EPHB1: variants seen among roughly 807,000 people sequenced by gnomAD.
EPHB1 encodes the protein EPH receptor B1, also known as ephrin type-B receptor 1.
A neutral mutation model predicts 94.4 loss-of-function variants in EPHB1; 30 were observed. That is an observed-to-expected ratio of 0.32 (90% CI 0.24 to 0.43). The LOEUF is 0.43. EPHB1 is among the 20% of genes least tolerant of loss of function. The pLI is 1.00. For synonymous variants in EPHB1, 522 were observed against 489.1 expected (o/e 1.07, Z -0.89); for missense variants, 1,055 against 1,308.3 (o/e 0.81, Z 2.99).
At chr3:135,012,280 G>A (rs916542407) in intron 3 of EPHB1, among the ~76,000 whole-genome samples, 1 of 152,228 alleles carries the variant, frequency 6.6e-6, no homozygotes, top group Admixed American at 6.5e-5. Flanking sequence ...CTTGGTGTTT[G>A]TGCTTGGTGT....
intron 3 of EPHB1, among the ~76,000 whole-genome samples, chr3:135,103,822 T>G (rs1274749563): frequency 6.6e-6 from 1 of 151,942 alleles, no homozygotes; most frequent in Non-Finnish European, 1.5e-5. Context: ...TTGGACCTCC[T>G]CCCCTCCACT....
At chr3:134,994,330 C>T (rs1934918113) in intron 3 of EPHB1, among the ~76,000 whole-genome samples, 1 of 152,140 alleles carries the variant, frequency 6.6e-6, no homozygotes, top group African/African-American at 2.4e-5. Context: ...CCAGGGCATC[C>T]CCTCTCCCTG....
intron 1 of EPHB1, among the ~76,000 whole-genome samples, chr3:134,817,936 G>T (rs1022775756): frequency 6.6e-6 from 1 of 152,200 alleles, no homozygotes; most frequent in Non-Finnish European, 1.5e-5. Flanking sequence ...ATGCAGCCAG[G>T]TTCACAGACA....
intron 6 of EPHB1, among the ~76,000 whole-genome samples, chr3:135,157,214 AG>A (rs1941379800): frequency 6.6e-6 from 1 of 152,184 alleles, no homozygotes; most frequent in African/African-American, 2.4e-5. Context: ...GGGAAGGGAA[AG>A]AATATGTTAG....
chr3:135,015,592 G>A lies in EPHB1; in HGVS notation c.805+63540G>A, dbSNP rs1029791674. ...GGCATCTAGGTCTCTGGGAGCCTCAGGATCCCTGGCTGCTTACCAATGACC... is the reference window on the plus strand; with the variant it reads ...GGCATCTAGGTCTCTGGGAGCCTCAAGATCCCTGGCTGCTTACCAATGACC... On this transcript the variant is annotated intron_variant, in intron 3 of 15. Transcript: ENST00000398015. Among the ~76,000 whole-genome samples the A allele has an allele frequency of 4.3e-4, 66 of 152,164 alleles. 1 individual carries two copies. Among genetic ancestry groups the A allele is most frequent in the Admixed American group, 4.3e-3 (65 of 15,280 alleles).
intron 3 of EPHB1, among the ~76,000 whole-genome samples, chr3:135,014,796 C>T (rs1047663821): frequency 6.6e-6 from 1 of 152,234 alleles, no homozygotes; most frequent in Non-Finnish European, 1.5e-5. Context: ...AAGGCCCTGG[C>T]ATTCCACAGT....
intron 1 of EPHB1, among the ~76,000 whole-genome samples, chr3:134,861,410 G>C (rs1217626983): frequency 1.3e-5 from 2 of 152,186 alleles, no homozygotes; most frequent in Admixed American, 6.5e-5. Flanking sequence ...CATTTTGGGG[G>C]ATGAGGAGGG....
At chr3:134,812,267 G>A (rs771866929) in intron 1 of EPHB1, among the ~76,000 whole-genome samples, 12 of 152,204 alleles carry the variant, frequency 7.9e-5, no homozygotes, top group African/African-American at 2.9e-4. Flanking sequence ...TCCCTTCATG[G>A]TCATGTGCCT....
chr3:135,082,035 T>C (rs1442471944), intron 3 of EPHB1, among the ~76,000 whole-genome samples: 1 of 151,816 alleles, frequency 6.6e-6, no homozygotes, highest in Non-Finnish European at 1.5e-5. Flanking sequence ...AAATGCAGGC[T>C]CTTCCCAGCA....
intron 10 of EPHB1, among the ~76,000 whole-genome samples, chr3:135,186,887 A>G (rs1942343918): frequency 6.6e-6 from 1 of 152,194 alleles, no homozygotes; most frequent in South Asian, 2.1e-4. Context: ...CTCAGCTGAC[A>G]GCCTTGAGGG....
intron 9 of EPHB1, among the ~76,000 whole-genome samples, chr3:135,171,341 G>C (rs1941796031): frequency 6.6e-6 from 1 of 152,182 alleles, no homozygotes. Flanking sequence ...AAGAAAGTAG[G>C]TTAGTGACTC....
At chr3:135,003,511 C>A (rs1406404418) in intron 3 of EPHB1, among the ~76,000 whole-genome samples, 3 of 148,322 alleles carry the variant, frequency 2.0e-5, no homozygotes, top group Non-Finnish European at 4.5e-5. Flanking sequence ...TCCTGGGTAT[C>A]CTTGTTGACT....
intron 1 of EPHB1, among the ~76,000 whole-genome samples, chr3:134,862,185 G>A (rs2037277846): frequency 6.6e-6 from 1 of 152,142 alleles, no homozygotes; most frequent in Non-Finnish European, 1.5e-5. Flanking sequence ...ATCTAGCGCT[G>A]GGCTCAGGGC....
At chr3:135,203,473 T>G (rs1942811921) in intron 12 of EPHB1, among the ~76,000 whole-genome samples, 1 of 152,184 alleles carries the variant, frequency 6.6e-6, no homozygotes, top group Non-Finnish European at 1.5e-5. Context: ...GGTAAACTTT[T>G]TCTCAAACGG....
intron 6 of EPHB1, among the ~76,000 whole-genome samples, chr3:135,155,126 C>T (rs116489341): frequency 0.011 from 1,700 of 151,976 alleles, 38 homozygotes; most frequent in African/African-American, 0.039. Flanking sequence ...GGGAAACAGG[C>T]AATAAACAGT....
At chr3:134,873,713 G>A (rs2037550313) in intron 1 of EPHB1, among the ~76,000 whole-genome samples, 1 of 152,212 alleles carries the variant, frequency 6.6e-6, no homozygotes, top group Admixed American at 6.5e-5. Context: ...CCACGCATCT[G>A]TGTTAGCAGG....
At chr3:135,119,392 G>A (rs73218217) in intron 4 of EPHB1, among the ~76,000 whole-genome samples, 6,240 of 151,996 alleles carry the variant, frequency 0.041, 197 homozygotes, top group Non-Finnish European at 0.055. Context: ...TTTTATATAT[G>A]TCCTTCCCAC....
At chr3:134,947,700 T>C (rs1578220396) in intron 2 of EPHB1, among the ~76,000 whole-genome samples, 1 of 152,256 alleles carries the variant, frequency 6.6e-6, no homozygotes, top group Admixed American at 6.5e-5. Context: ...CAATTACTTC[T>C]GCTGGGTCTT....
rs61369813 is a variant in EPHB1, at chr3:134,959,966, C to CTTTTTTTTTT, written c.805+7947_805+7956dup. Among the ~76,000 whole-genome samples the CTTTTTTTTTT allele has an allele frequency of 4.7e-4, 50 of 107,420 alleles. 4 individuals carry two copies. Among genetic ancestry groups the CTTTTTTTTTT allele is most frequent in the East Asian group, 1.7e-3 (4 of 2,424 alleles). 70.5% of individuals were successfully genotyped at this position (107,420 alleles called of 152,430 possible). On this transcript the variant is annotated intron_variant, in intron 3 of 15. Coordinates refer to ENST00000398015, the MANE Select transcript of EPHB1 (RefSeq NM_004441.5). ...AGAATTTGAGCACAAACATCTGCAC[C>CTTTTTTTTTT]TTTTTTTTTTTTTTTTTTTTTTTTT...
Sources: allele counts gnomAD v4.1 joint callset (sites outside exome capture counted in the v4.1 genomes callset), GRCh38; gene constraint gnomAD v4.1.1; transcripts MANE v1.5; gene names NCBI Gene and HGNC (gene_info 2026-07-23, HGNC 2026-07-21).